GORASP1: variants seen among roughly 807,000 people sequenced by gnomAD.
The protein encoded by GORASP1 is golgi reassembly stacking protein 1.
In GORASP1, 31 loss-of-function variants were observed where a neutral mutation model predicts 37.7. The ratio of observed to expected loss-of-function variants is 0.82; its 90% CI spans 0.62 to 1.11. GORASP1 has a LOEUF of 1.11. Ranked by LOEUF, GORASP1 falls within the 50% of genes least tolerant of loss-of-function variation. The pLI is 0.00. For synonymous variants in GORASP1, 204 were observed against 224.8 expected, an observed-to-expected ratio of 0.91 and a Z score of 0.83; for missense variants, 476 against 560.7, an observed-to-expected ratio of 0.85 and a Z score of 1.53.
Position 39,103,188 on chromosome 3 carries a change from G to A in GORASP1, c.144+285C>T. Reference sequence around the variant, plus strand: ...CTGCCCCACTCTGAGCTGCCCCTTGGCCAGGGCCCTCATATCCCTCATGCC... The same window carrying A: ...CTGCCCCACTCTGAGCTGCCCCTTGACCAGGGCCCTCATATCCCTCATGCC... On this transcript the variant is annotated intron_variant, in intron 2 of 8. Coordinates refer to ENST00000319283, the MANE Select transcript of GORASP1 (RefSeq NM_031899.4). This position sits in a 1 kb window ranked among gnomAD's most constrained non-coding sequence, Gnocchi z 5.2. The A allele has an allele frequency of 1.7e-6, 1 of 589,242 alleles. No individual in the cohort carries two copies. The highest frequency in any genetic ancestry group is 3.0e-5 in the Admixed American group (1 of 33,526). The allele number at this position is 589,242 out of a possible 1,614,324, so 36.5% of individuals were successfully genotyped here.
At position 39,103,230 on chromosome 3, in the gene GORASP1, T is replaced by C; in HGVS notation, c.144+243A>G. 1 of 585,812 alleles carries C rather than the reference T, an allele frequency of 1.7e-6. No individual in the cohort carries two copies. Among genetic ancestry groups the C allele is most frequent in the Non-Finnish European group, 3.0e-6 (1 of 329,448 alleles). The allele number at this position is 585,812 out of a possible 1,614,324, so 36.3% of individuals were successfully genotyped here. On this transcript the variant is annotated intron_variant, in intron 2 of 8. Transcript: ENST00000319283. The surrounding 1 kb of genome is among the most constrained non-coding windows in gnomAD (Gnocchi z 5.2). ...CCTCATGCCCCAGGAGGCAGGCCCC[T>C]TGGGCCTTGTTGCCACCTCCAAGAG...
Position 39,098,903 on chromosome 3 carries a change from G to A in GORASP1, c.917-10C>T. On this transcript the variant is annotated splice_polypyrimidine_tract_variant and intron_variant, in intron 7 of 8. Transcript: ENST00000319283. The surrounding 1 kb of genome is among the most constrained non-coding windows in gnomAD (Gnocchi z 4.7). ...GACACGTCCAGGAAGCCTAGGGGAG[G>A]GTGGTGCAGTTCTTTGCCAGCAAGA... 6.2e-7 allele frequency: 1 copy of A among 1,613,566 alleles called. No individual in the cohort carries two copies. The highest frequency in any genetic ancestry group is 8.5e-7 in the Non-Finnish European group (1 of 1,179,794).
intron 7 of GORASP1, 117 bp from the exon 8 acceptor site, chr3:39,099,010 AG>A: frequency 7.5e-7 from 1 of 1,339,428 alleles, no homozygotes; most frequent in Non-Finnish European, 1.0e-6. Context: ...TAATCTCCTC[AG>A]CCCCTGGTGA....
rs1446944557 is a variant in GORASP1, at chr3:39,103,347, G to A, written c.144+126C>T. On this transcript the variant is annotated intron_variant, in intron 2 of 8. Coordinates refer to ENST00000319283, the MANE Select transcript of GORASP1 (RefSeq NM_031899.4). The surrounding 1 kb of genome is among the most constrained non-coding windows in gnomAD (Gnocchi z 5.2). ...TCTGAGTACAGCCCTGGAAGAAGGG[G>A]AGACAGGGCTGGGACTCCCTTTAGA... is the stretch of plus-strand genomic sequence containing the variant. 1 of 686,172 alleles carries A rather than the reference G, an allele frequency of 1.5e-6. No individual in the cohort carries two copies. Among genetic ancestry groups the A allele is most frequent in the Non-Finnish European group, 2.5e-6 (1 of 401,654 alleles). The allele number at this position is 686,172 out of a possible 1,614,324, so 42.5% of individuals were successfully genotyped here.
At chr3:39,099,580 C>G in intron 6 of GORASP1, 77 bp from the exon 7 acceptor site, 1 of 1,388,184 alleles carries the variant, frequency 7.2e-7, no homozygotes, top group African/African-American at 1.4e-5. Flanking sequence ...TCCAACCTAA[C>G]CACCAGTCCC....
At position 39,102,912 on chromosome 3, in the gene GORASP1, C is replaced by CA. The variant is rs778146836; in HGVS notation, c.145-32dup. On this transcript the variant is annotated intron_variant, in intron 2 of 8. Transcript: ENST00000319283. The surrounding 1 kb of genome is among the most constrained non-coding windows in gnomAD (Gnocchi z 5.0). ...GGGGCAATGGGGCTGACTCCAAGGC[C>CA]ACCTCATGCCCAGGCTAGGACCCTC... 2.9e-5 allele frequency: 46 copies of CA among 1,597,044 alleles called. No homozygotes were observed. Among genetic ancestry groups the CA allele is most frequent in the Non-Finnish European group, 3.8e-5 (44 of 1,164,564 alleles).
intron 1 of GORASP1, 70 bp downstream of exon 1, chr3:39,107,409 G>A (rs2125719051): frequency 1.9e-6 from 2 of 1,051,800 alleles, no homozygotes; most frequent in Non-Finnish European, 1.2e-6. Flanking sequence ...CAGCCAGCCG[G>A]CGACCGGACG....
chr3:39,103,169 C>G lies in GORASP1; in HGVS notation c.145-288G>C. On this transcript the variant is annotated intron_variant, in intron 2 of 8. Transcript: ENST00000319283. This position sits in a 1 kb window ranked among gnomAD's most constrained non-coding sequence, Gnocchi z 5.2. The stretch of plus-strand genomic sequence containing the variant: ...GATCCACAGCATTCCAGTGCTGCCC[C>G]ACTCTGAGCTGCCCCTTGGCCAGGG... The G allele has an allele frequency of 1.7e-6, 1 of 592,442 alleles. No homozygotes were observed. The highest frequency in any genetic ancestry group is 2.0e-5 in the South Asian group (1 of 49,150). 36.7% of individuals were successfully genotyped at this position (592,442 alleles called of 1,614,324 possible).
intron 3 of GORASP1, among the ~76,000 whole-genome samples, chr3:39,101,821 A>G (rs943755497): frequency 6.6e-6 from 1 of 152,232 alleles, no homozygotes; most frequent in African/African-American, 2.4e-5. Flanking sequence ...CTTCTAGTTC[A>G]GAGCACCCTC....
At chr3:39,107,182 C>T in intron 1 of GORASP1, 4 of 532,474 alleles carry the variant, frequency 7.5e-6, no homozygotes, top group Non-Finnish European at 1.5e-5. Context: ...GCATTCTTCA[C>T]CCGGGAGGAG....
rs750155122 is a variant in GORASP1 at position 39,101,116 on chromosome 3, C to T, written c.349-14G>A. The T allele has an allele frequency of 1.4e-5, 23 of 1,613,416 alleles. No individual in the cohort carries two copies. The highest frequency in any genetic ancestry group is 1.9e-5 in the Non-Finnish European group (22 of 1,179,444). The stretch of plus-strand genomic sequence containing the variant: ...TGGTTCCACATCCTGGGGAAAGAAC[C>T]GCAAACCACTGGCCATGCTACTAGA... On this transcript the variant is annotated splice_polypyrimidine_tract_variant and intron_variant, in intron 3 of 8. Coordinates refer to ENST00000319283, the MANE Select transcript of GORASP1 (RefSeq NM_031899.4).
chr3:39,102,928 T>A lies in GORASP1; in HGVS notation c.145-47A>T, dbSNP rs1028272244. 6.4e-7 allele frequency: 1 copy of A among 1,570,726 alleles called. No individual in the cohort carries two copies. Among genetic ancestry groups the A allele is most frequent in the Non-Finnish European group, 8.8e-7 (1 of 1,140,466 alleles). ...CTCCAAGGCCACCTCATGCCCAGGCTAGGACCCTCAGACAAGTCTGGGCCT... is the reference window on the plus strand; with the variant it reads ...CTCCAAGGCCACCTCATGCCCAGGCAAGGACCCTCAGACAAGTCTGGGCCT... On this transcript the variant is annotated intron_variant, in intron 2 of 8. Transcript: ENST00000319283. The surrounding 1 kb of genome is among the most constrained non-coding windows in gnomAD (Gnocchi z 5.0).
Position 39,100,674 on chromosome 3 carries a change from G to T in GORASP1, c.566+73C>A. 6.3e-7 allele frequency: 1 copy of T among 1,575,234 alleles called. No individual in the cohort carries two copies. The highest frequency in any genetic ancestry group is 2.2e-5 in the East Asian group (1 of 44,656). ...CCAACCCTCCTCCATCTCCACCATA[G>T]AACTCTGAGGTCCATGCCCAATGGT... is the stretch of plus-strand genomic sequence containing the variant. On this transcript the variant is annotated intron_variant, in intron 5 of 8. Coordinates refer to ENST00000319283, the MANE Select transcript of GORASP1 (RefSeq NM_031899.4). The surrounding 1 kb of genome is among the most constrained non-coding windows in gnomAD (Gnocchi z 4.6).
Position 39,103,130 on chromosome 3 carries a change from CAAA to C in GORASP1, c.145-252_145-250del. On this transcript the variant is annotated intron_variant, in intron 2 of 8. Transcript: ENST00000319283. The surrounding 1 kb of genome is among the most constrained non-coding windows in gnomAD (Gnocchi z 5.2). Reference sequence around the variant, plus strand: ...AGCCTGCCAGAAAAAACAAAGCAAGCAAAAAGCCTCCCAGATCCACAGCATTCC... The same window carrying C: ...AGCCTGCCAGAAAAAACAAAGCAAGCAAGCCTCCCAGATCCACAGCATTCC... 3.3e-6 allele frequency: 2 copies of C among 601,238 alleles called. No homozygotes were observed. Among genetic ancestry groups the C allele is most frequent in the South Asian group, 4.0e-5 (2 of 50,000 alleles). The allele number at this position is 601,238 out of a possible 1,614,324, so 37.2% of individuals were successfully genotyped here. A position where few individuals can be genotyped will look rare whatever the true frequency, so the allele number is the denominator to read the frequency against.
Position 39,100,255 on chromosome 3 carries a change from C to A in GORASP1, c.765+50G>T. On this transcript the variant is annotated intron_variant, in intron 6 of 8. Coordinates refer to ENST00000319283, the MANE Select transcript of GORASP1 (RefSeq NM_031899.4). This position sits in a 1 kb window ranked among gnomAD's most constrained non-coding sequence, Gnocchi z 4.6. ...AGGGTTGCTGATGGCTCCCCAAGGG[C>A]AGCCTCTAGAGTTTTCTGTCTTCCC... 1 of 1,533,720 alleles carries A rather than the reference C, an allele frequency of 6.5e-7. No homozygotes were observed. The highest frequency in any genetic ancestry group is 1.7e-5 in the Admixed American group (1 of 59,842).
Position 39,098,498 on chromosome 3 carries a change from CAG to C in GORASP1, c.1070-11_1070-10del. The C allele has an allele frequency of 6.2e-7, 1 of 1,609,534 alleles. No homozygotes were observed. Among genetic ancestry groups the C allele is most frequent in the South Asian group, 1.1e-5 (1 of 90,404 alleles). ...AGACCATGTAGCCTCACCTGCAACACAGAAGATCAGGCTGAGGAGGTCTGCAA... is the reference window on the plus strand; with the variant it reads ...AGACCATGTAGCCTCACCTGCAACACAAGATCAGGCTGAGGAGGTCTGCAA... On this transcript the variant is annotated splice_polypyrimidine_tract_variant and intron_variant, in intron 8 of 8. Coordinates refer to ENST00000319283, the MANE Select transcript of GORASP1 (RefSeq NM_031899.4). The surrounding 1 kb of genome is among the most constrained non-coding windows in gnomAD (Gnocchi z 4.7).
In GORASP1 at chr3:39,105,806, C is replaced by T. The variant is rs1017389902; in HGVS notation, c.63+1673G>A. ...CAGGCAAGGTCCTACACGGTCTGCT[C>T]TGGTCTCCTCCTCACACTGGCCACA... On this transcript the variant is annotated intron_variant, in intron 1 of 8. Transcript: ENST00000319283. The surrounding 1 kb of genome is among the most constrained non-coding windows in gnomAD (Gnocchi z 5.4). Among the ~76,000 whole-genome samples, 1 of 152,186 alleles carries T rather than the reference C, an allele frequency of 6.6e-6. No individual in the cohort carries two copies. Among genetic ancestry groups the T allele is most frequent in the Non-Finnish European group, 1.5e-5 (1 of 68,032 alleles).
At position 39,098,566 on chromosome 3, in the gene GORASP1, C is replaced by A; in HGVS notation, c.1070-77G>T. ...GTGTTAGGGCCAGTAACCCCACCGA[C>A]CGCTCCCCATTGCCACTCCAGGTTT... On this transcript the variant is annotated intron_variant, in intron 8 of 8. Coordinates refer to ENST00000319283, the MANE Select transcript of GORASP1 (RefSeq NM_031899.4). The surrounding 1 kb of genome is among the most constrained non-coding windows in gnomAD (Gnocchi z 4.7). 6.5e-7 allele frequency: 1 copy of A among 1,539,648 alleles called. No homozygotes were observed. Among genetic ancestry groups the A allele is most frequent in the African/African-American group, 1.4e-5 (1 of 73,226 alleles).
rs369525370 is a variant in GORASP1 at position 39,102,789 on chromosome 3, C to G, written c.237G>C (p.Val79=). 9.3e-6 allele frequency: 15 copies of G among 1,614,230 alleles called. No individual in the cohort carries two copies. Among genetic ancestry groups the G allele is most frequent in the Non-Finnish European group, 1.2e-5 (14 of 1,180,050 alleles). ...TGCTGGGCACCACCTCCACCTCGCGCACCCTCATGGTCTTCATATTGAACA... is the reference window on the plus strand; with the variant it reads ...TGCTGGGCACCACCTCCACCTCGCGGACCCTCATGGTCTTCATATTGAACA... The part of the protein sequence containing the change: ...LEVFNMKTMR[V]REVEVVPSNM... The change falls in exon 3 of 9, where the codon GTG becomes GTC. Residue 79 remains valine (V), a synonymous_variant. Transcript: ENST00000319283. This position sits in a 1 kb window ranked among gnomAD's most constrained non-coding sequence, Gnocchi z 5.0.
Sources: gnomAD v4.1 joint callset for allele counts (sites outside exome capture counted in the v4.1 genomes callset) on GRCh38, gnomAD v4.1.1 for gene constraint, Gnocchi (gnomAD v3.1) non-coding constraint, MANE v1.5 for transcripts, NCBI Gene and HGNC (gene_info 2026-07-23, HGNC 2026-07-21) for gene names.